TXK: variants seen among roughly 807,000 people sequenced by gnomAD.
TXK encodes tyrosine-protein kinase TXK.
In TXK, 60 loss-of-function variants were observed where a neutral mutation model predicts 81.0. The observed-to-expected ratio is 0.74, with a 90% CI of 0.60 to 0.92. The LOEUF (loss-of-function observed/expected upper bound fraction) is 0.92, where lower values mean the gene tolerates loss of function less well. Ranked by LOEUF, TXK falls within the 40% of genes least tolerant of loss-of-function variation. The pLI is 0.00. For missense variants in TXK, 581 were observed against 638.3 expected, an observed-to-expected ratio of 0.91 and a Z score of 0.97; for synonymous variants, 203 against 210.7, an observed-to-expected ratio of 0.96 and a Z score of 0.32.
chr4:48,080,198 T>C, intron 10 of TXK, 70 bp from the exon 11 acceptor site: 1 of 1,117,850 alleles, frequency 8.9e-7, no homozygotes, highest in East Asian at 2.4e-5. Context: ...ACATAACTGG[T>C]AGTATTTACC....
At chr4:48,101,193 T>C (rs1293839690) in intron 6 of TXK, among the ~76,000 whole-genome samples, 1 of 152,100 alleles carries the variant, frequency 6.6e-6, no homozygotes, top group East Asian at 1.9e-4. Flanking sequence ...GAATTGTTTG[T>C]GCAATAAATT....
At chr4:48,103,418 C>T (rs1461400059) in intron 6 of TXK, among the ~76,000 whole-genome samples, 9 of 152,200 alleles carry the variant, frequency 5.9e-5, no homozygotes, top group Non-Finnish European at 1.5e-5. Context: ...GCAAGTGAGG[C>T]CTGTCCAACC....
intron 1 of TXK, among the ~76,000 whole-genome samples, chr4:48,114,795 A>T (rs1380862894): frequency 6.6e-6 from 1 of 152,194 alleles, no homozygotes; most frequent in Non-Finnish European, 1.5e-5. Flanking sequence ...ATATTTTTTT[A>T]AATTGAAATG....
chr4:48,134,080 A>AT, intron 1 of TXK, 75 bp downstream of exon 1: 1 of 1,561,634 alleles, frequency 6.4e-7, no homozygotes. Flanking sequence ...GAAAAAAAAA[A>AT]CTTCCTCTGC....
Position 48,067,486 on chromosome 4 carries a change from A to C in TXK, c.*151T>G, listed in dbSNP as rs1716651340. 2 of 783,806 alleles carry C rather than the reference A, an allele frequency of 2.6e-6. No homozygotes were observed. The highest frequency in any genetic ancestry group is 2.1e-6 in the Non-Finnish European group (1 of 479,472). 48.6% of individuals were successfully genotyped at this position (783,806 alleles called of 1,614,324 possible). ...TTGTGTGAATATTCTTAAATTTTTA[A>C]AACTTTTAAAAACTGTGATCTTTGC... On this transcript the variant is annotated 3_prime_UTR_variant, in exon 15 of 15. Coordinates refer to ENST00000264316, the MANE Select transcript of TXK (RefSeq NM_003328.3).
At chr4:48,075,677 T>A (rs1222770790) in intron 12 of TXK, among the ~76,000 whole-genome samples, 1 of 151,864 alleles carries the variant, frequency 6.6e-6, no homozygotes, top group African/African-American at 2.4e-5. Flanking sequence ...TCTGAATGAA[T>A]CTTGCAGAAA....
At chr4:48,132,111 A>C (rs759908520) in intron 1 of TXK, among the ~76,000 whole-genome samples, 14 of 151,428 alleles carry the variant, frequency 9.2e-5, no homozygotes, top group South Asian at 2.1e-4. Context: ...GCTTAAACAG[A>C]TGATATTTAA....
In TXK at chr4:48,114,483, G is replaced by C. The variant is rs560802531; in HGVS notation, c.17-81C>G. 3 of 1,390,004 alleles carry C rather than the reference G, an allele frequency of 2.2e-6. No homozygotes were observed. In the South Asian group the frequency reaches 3.5e-5, roughly 16 times the overall value. The allele number at this position is 1,390,004 out of a possible 1,614,324, so 86.1% of individuals were successfully genotyped here. On this transcript the variant is annotated intron_variant, in intron 1 of 14. Transcript: ENST00000264316. ...GGAGTCTCTAAGGGAAGGGTGAGAC[G>C]AATTATTATAAAGCGTATGAAAGTC...
chr4:48,103,709 G>C (rs1718291564), intron 6 of TXK, among the ~76,000 whole-genome samples: 1 of 152,090 alleles, frequency 6.6e-6, no homozygotes, highest in Admixed American at 6.5e-5. Flanking sequence ...GCTTTGTGTT[G>C]GTTTGACCTA....
chr4:48,078,697 T>C (rs759093985), intron 11 of TXK, among the ~76,000 whole-genome samples: 5 of 152,216 alleles, frequency 3.3e-5, no homozygotes, highest in African/African-American at 7.2e-5. Context: ...AAAAATAATT[T>C]AGCATTCCTA....
At chr4:48,119,510 T>G (rs967630016) in intron 1 of TXK, among the ~76,000 whole-genome samples, 3 of 152,152 alleles carry the variant, frequency 2.0e-5, no homozygotes, top group Non-Finnish European at 4.4e-5. Flanking sequence ...TGCTGTTTCA[T>G]TGCTCCCCCC....
chr4:48,071,936 T>C (rs1447531997), intron 13 of TXK, among the ~76,000 whole-genome samples: 1 of 149,958 alleles, frequency 6.7e-6, no homozygotes, highest in African/African-American at 2.4e-5. Flanking sequence ...CAGGAGAAAA[T>C]GCCAGTAGCA....
chr4:48,118,176 T>A (rs1320325517), intron 1 of TXK, among the ~76,000 whole-genome samples: 2 of 152,238 alleles, frequency 1.3e-5, no homozygotes, highest in African/African-American at 4.8e-5. Flanking sequence ...AATAAACTTA[T>A]GTGTTTCCTG....
intron 1 of TXK, 122 bp downstream of exon 1, chr4:48,134,033 G>T: frequency 1.9e-6 from 2 of 1,054,892 alleles, no homozygotes; most frequent in South Asian, 1.7e-5. Context: ...AACATCTGAG[G>T]AAATTATCTT....
At position 48,089,772 on chromosome 4, in the gene TXK, T is replaced by C. The variant is rs1717685388; in HGVS notation, c.762A>G (p.Pro254=). The C allele has an allele frequency of 6.2e-7, 1 of 1,613,580 alleles. No individual in the cohort carries two copies. Among genetic ancestry groups the C allele is most frequent in the African/African-American group, 1.3e-5 (1 of 74,910 alleles). Residue 254 remains proline (P), a synonymous_variant, in exon 9 of 15, where the codon CCA becomes CCG. Coordinates refer to ENST00000264316, the MANE Select transcript of TXK (RefSeq NM_003328.3). ...TACCGTAGCTAAACCCAGCTGTGGC[T>C]GGTAAACAACTGCCCATCAGCCCAA... ...YPVGLMGSCL[P]ATAGFSYEKW...
At chr4:48,112,783 G>A (rs541428141) in intron 3 of TXK, among the ~76,000 whole-genome samples, 37 of 152,060 alleles carry the variant, frequency 2.4e-4, no homozygotes, top group Admixed American at 1.4e-3. Context: ...TTCAAAAGAT[G>A]ATGTACTCCT....
intron 1 of TXK, among the ~76,000 whole-genome samples, chr4:48,118,408 C>T (rs1449045176): frequency 6.6e-6 from 1 of 152,172 alleles, no homozygotes; most frequent in Non-Finnish European, 1.5e-5. Context: ...ATAGATGCTG[C>T]ATGCTTATGA....
rs545676405 is a variant in TXK, at chr4:48,086,487, A to G, written c.935T>C (p.Ile312Thr). The change falls in exon 10 of 15, where the codon ATT becomes ACT. Residue 312 changes from isoleucine (I) to threonine (T), a missense_variant. Coordinates refer to ENST00000264316, the MANE Select transcript of TXK (RefSeq NM_003328.3). ...GTACATCATCACTTTGGCCTCTTCA[A>G]TGAAATCCTCTTCAGACATGGAGCC... is the stretch of plus-strand genomic sequence containing the variant. ...NEGSMSEEDF[I>T]EEAKVMMKLS... is the part of the protein sequence containing the mutation. The G allele has an allele frequency of 5.0e-6, 8 of 1,613,988 alleles. No individual in the cohort carries two copies. The highest frequency in any genetic ancestry group is 6.8e-6 in the Non-Finnish European group (8 of 1,179,986).
chr4:48,077,951 T>C (rs879653249), intron 11 of TXK, among the ~76,000 whole-genome samples: 28 of 152,348 alleles, frequency 1.8e-4, no homozygotes, highest in Middle Eastern at 3.4e-3. Context: ...AGAGCAGTTA[T>C]TCTCAACCTC....
Sources: gnomAD v4.1 joint callset for allele counts (sites outside exome capture counted in the v4.1 genomes callset) on GRCh38, gnomAD v4.1.1 for gene constraint, MANE v1.5 for transcripts, NCBI Gene and HGNC (gene_info 2026-07-23, HGNC 2026-07-21) for gene names.